ATP8A2: variants seen among roughly 807,000 people sequenced by gnomAD.
ATP8A2 encodes the protein phospholipid-transporting ATPase IB.
In ATP8A2, 100 loss-of-function variants were observed where a neutral mutation model predicts 165.6. The observed-to-expected ratio is 0.60, with a 90% CI of 0.51 to 0.71. The LOEUF (loss-of-function observed/expected upper bound fraction) is 0.71. Among genes scored for constraint, ATP8A2 ranks in the 30% least tolerant of loss-of-function variants. The pLI is 0.00. For synonymous variants in ATP8A2, 543 were observed against 548.8 expected, an observed-to-expected ratio of 0.99 and a Z score of 0.15; for missense variants, 1,227 against 1,479.5, an observed-to-expected ratio of 0.83 and a Z score of 2.80.
At chr13:25,617,069 C>T (rs1279363778) in intron 24 of ATP8A2, among the ~76,000 whole-genome samples, 1 of 152,238 alleles carries the variant, frequency 6.6e-6, no homozygotes, top group Non-Finnish European at 1.5e-5. Context: ...AAATAGCTTA[C>T]TGTAAAGTTT....
chr13:25,726,305 A>G (rs373596084), intron 25 of ATP8A2, among the ~76,000 whole-genome samples: 1 of 152,214 alleles, frequency 6.6e-6, no homozygotes, highest in Non-Finnish European at 1.5e-5. Context: ...AAGGCGCAAA[A>G]GTGTGAAAAG....
At chr13:25,493,368 A>G (rs958826616) in intron 2 of ATP8A2, among the ~76,000 whole-genome samples, 1 of 152,194 alleles carries the variant, frequency 6.6e-6, no homozygotes, top group African/African-American at 2.4e-5. Flanking sequence ...TTGAAGTTAC[A>G]TAAGAAAATC....
chr13:25,496,560 C>CA (rs2036684997), intron 2 of ATP8A2, among the ~76,000 whole-genome samples: 1 of 151,910 alleles, frequency 6.6e-6, no homozygotes, highest in African/African-American at 2.4e-5. Context: ...ATAAATGATG[C>CA]AAAAAAACAA....
chr13:25,512,376 G>A (rs1278589563), intron 2 of ATP8A2, among the ~76,000 whole-genome samples: 44 of 151,868 alleles, frequency 2.9e-4, no homozygotes, highest in African/African-American at 6.3e-4. Context: ...ATCATGGCCT[G>A]TTCTCAATGA....
chr13:25,906,049 G>C (rs988025486), intron 33 of ATP8A2, among the ~76,000 whole-genome samples: 3 of 152,102 alleles, frequency 2.0e-5, no homozygotes, highest in East Asian at 1.9e-4. Flanking sequence ...TTGCCTGCAT[G>C]ATGAGGCCTT....
chr13:25,824,090 C>A (rs1951248745), intron 27 of ATP8A2, among the ~76,000 whole-genome samples: 1 of 152,088 alleles, frequency 6.6e-6, no homozygotes, highest in African/African-American at 2.4e-5. Context: ...CCTGCCTCAG[C>A]CTTTTGAGGA....
intron 30 of ATP8A2, among the ~76,000 whole-genome samples, chr13:25,857,895 T>C (rs1158440440): frequency 6.6e-6 from 1 of 152,136 alleles, no homozygotes; most frequent in Non-Finnish European, 1.5e-5. Flanking sequence ...TCATAGCACT[T>C]ATTACACCTG....
rs185803785 is a variant in ATP8A2 at position 25,595,693 on chromosome 13, A to G, written c.2211+5994A>G. Among the ~76,000 whole-genome samples the G allele has an allele frequency of 4.3e-4, 65 of 152,274 alleles. No individual in the cohort carries two copies. In the East Asian group the frequency reaches 9.4e-3, roughly 22 times the overall value. ...TTCTGAGAAAAGGTTATATATTTTGAACTGTTGCATAGGTGGTAGTCTCTT... is the reference window on the plus strand; with the variant it reads ...TTCTGAGAAAAGGTTATATATTTTGGACTGTTGCATAGGTGGTAGTCTCTT... On this transcript the variant is annotated intron_variant, in intron 24 of 36. Transcript: ENST00000381655.
chr13:25,525,941 G>C (rs143648140), intron 2 of ATP8A2, among the ~76,000 whole-genome samples: 1 of 151,900 alleles, frequency 6.6e-6, no homozygotes, highest in South Asian at 2.1e-4. Flanking sequence ...GTGATTCTTA[G>C]ACTTTGTCTT....
intron 2 of ATP8A2, among the ~76,000 whole-genome samples, chr13:25,518,047 C>G (rs2137823198): frequency 6.6e-6 from 1 of 152,254 alleles, no homozygotes; most frequent in East Asian, 1.9e-4. Context: ...GGGGTGGCTC[C>G]CAGGTATGCA....
intron 33 of ATP8A2, among the ~76,000 whole-genome samples, chr13:25,895,216 C>A (rs1379066348): frequency 6.6e-6 from 1 of 152,096 alleles, no homozygotes; most frequent in Admixed American, 6.5e-5. Context: ...CCCATCAATA[C>A]CTAATTTATT....
chr13:25,920,480 CTG>C (rs1458730765), intron 33 of ATP8A2, among the ~76,000 whole-genome samples: 1 of 152,182 alleles, frequency 6.6e-6, no homozygotes, highest in Admixed American at 6.5e-5. Flanking sequence ...CCTCCTCTGC[CTG>C]TGTTTCTGCC....
intron 24 of ATP8A2, among the ~76,000 whole-genome samples, chr13:25,680,613 TTGGAGAACAACA>T (rs1432475679): frequency 4.6e-5 from 7 of 152,110 alleles, no homozygotes; most frequent in Non-Finnish European, 7.4e-5. Flanking sequence ...TGCTGAAAAT[TTGGAGAACAACA>T]TGGAGAGATA....
chr13:25,866,331 G>T (rs1168288604), intron 33 of ATP8A2, among the ~76,000 whole-genome samples: 1 of 152,162 alleles, frequency 6.6e-6, no homozygotes, highest in Non-Finnish European at 1.5e-5. Flanking sequence ...TTACTTTAGA[G>T]AATTGTGATG....
At chr13:25,591,943 T>G (rs1355303244) in intron 24 of ATP8A2, among the ~76,000 whole-genome samples, 1 of 152,156 alleles carries the variant, frequency 6.6e-6, no homozygotes, top group Non-Finnish European at 1.5e-5. Flanking sequence ...ACATTTCACT[T>G]TTTGAGGAAC....
At chr13:25,467,050 G>C (rs966041132) in intron 1 of ATP8A2, among the ~76,000 whole-genome samples, 2 of 152,230 alleles carry the variant, frequency 1.3e-5, no homozygotes, top group African/African-American at 4.8e-5. Context: ...TGGTGGGCCA[G>C]ACAGTCTGGA....
intron 28 of ATP8A2, among the ~76,000 whole-genome samples, chr13:25,829,421 T>C (rs994968174): frequency 4.0e-5 from 6 of 151,894 alleles, no homozygotes; most frequent in Non-Finnish European, 8.8e-5. Flanking sequence ...CTCCAGGGCC[T>C]CCCCTTTGTG....
chr13:25,670,296 A>G (rs2042238106), intron 24 of ATP8A2, among the ~76,000 whole-genome samples: 2 of 152,144 alleles, frequency 1.3e-5, no homozygotes, highest in African/African-American at 4.8e-5. Context: ...AAGTATGAAT[A>G]TTTTCAATGA....
chr13:25,432,841 T>C (rs1448044606), intron 1 of ATP8A2, among the ~76,000 whole-genome samples: 1 of 152,180 alleles, frequency 6.6e-6, no homozygotes, highest in Non-Finnish European at 1.5e-5. Context: ...ATTCAATGTA[T>C]GTGTTTTATT....
Sources: gnomAD v4.1 joint callset for allele counts (sites outside exome capture counted in the v4.1 genomes callset) on GRCh38, gnomAD v4.1.1 for gene constraint, MANE v1.5 for transcripts, NCBI Gene and HGNC (gene_info 2026-07-23, HGNC 2026-07-21) for gene names.